Variants in PSD2 observed in about 807,000 individuals in gnomAD.
The protein encoded by PSD2 is PH and SEC7 domain-containing protein 2.
PSD2 carries 38 observed loss-of-function variants against 69.8 expected under a neutral mutation model. The ratio of observed to expected loss-of-function variants is 0.54; its 90% CI spans 0.42 to 0.71. The LOEUF is 0.71. Ranked by LOEUF, PSD2 falls within the 30% of genes least tolerant of loss-of-function variation. PSD2 has a pLI of 0.00. For synonymous variants in PSD2, 412 were observed against 423.0 expected (o/e 0.97, Z 0.32); for missense variants, 943 against 1,014.5 (o/e 0.93, Z 0.96).
At chr5:139,833,877 C>G in intron 8 of PSD2, 86 bp downstream of exon 8, 1 of 1,014,592 alleles carries the variant, frequency 9.9e-7, no homozygotes, top group Admixed American at 1.7e-5. Context: ...GAAATCCTGG[C>G]ATTCCAGGCC....
chr5:139,817,691 G>A, intron 5 of PSD2, 130 bp downstream of exon 5: 2 of 757,148 alleles, frequency 2.6e-6, no homozygotes, highest in Non-Finnish European at 4.4e-6. Flanking sequence ...AGGCTGTGGG[G>A]AAGGGGCCAC....
rs746161522 is a variant in PSD2 at position 139,842,452 on chromosome 5, A to C, written c.2294A>C (p.Asp765Ala). 1.7e-5 allele frequency: 28 copies of C among 1,613,972 alleles called. No homozygotes were observed. The highest frequency in any genetic ancestry group is 2.7e-5 in the African/African-American group (2 of 74,940). Residue 765 changes from aspartate to alanine, a missense_variant, in exon 15 of 15, where the codon GAT becomes GCT. By Grantham distance (126) the Asp-to-Ala change is moderately radical. Around this residue, in one of 3 missense-constraint regions of PSD2, gnomAD observed 165 missense variants for 168.8 expected, o/e 0.98. Coordinates refer to ENST00000274710, the MANE Select transcript of PSD2 (RefSeq NM_032289.4). ...GHVTGSKTTK[D>A]ATGPDT ...GTGACTGGCAGCAAAACCACAAAGG[A>C]TGCCACTGGGCCTGATACTTAGCTG...
At position 139,817,516 on chromosome 5, in the gene PSD2, T is replaced by G. The variant is rs763047342; in HGVS notation, c.1052T>G (p.Leu351Arg). 6.2e-7 allele frequency: 1 copy of G among 1,614,006 alleles called. No individual in the cohort carries two copies. The highest frequency in any genetic ancestry group is 8.5e-7 in the Non-Finnish European group (1 of 1,179,992). Residue 351 changes from leucine to arginine, a missense_variant, in exon 5 of 15, where the codon CTC (leucine) becomes CGC (arginine). Coordinates refer to ENST00000274710, the MANE Select transcript of PSD2 (RefSeq NM_032289.4). ...AGCAGGCTGGTGGCCGGGGAGTACC[T>G]CAGTTTCTTCGACTTCTCGGGCTTG... ...EFSRLVAGEY[L>R]SFFDFSGLTL...
chr5:139,763,967 C>T, the PSD2 span, among the ~76,000 whole-genome samples: 1 of 152,182 alleles, frequency 6.6e-6, no homozygotes, highest in Non-Finnish European at 1.5e-5. Flanking sequence ...TCACCAAGAT[C>T]CAATTGGGAA....
Position 139,805,008 on chromosome 5 carries a change from TGTGA to T in PSD2, c.-50-4379_-50-4376del, listed in dbSNP as rs890716087. Among the ~76,000 whole-genome samples, 35 of 151,350 alleles carry T rather than the reference TGTGA, an allele frequency of 2.3e-4. No homozygotes were observed. In the East Asian group the frequency reaches 2.7e-3, roughly 12 times the overall value. On this transcript the variant is annotated intron_variant, in intron 1 of 14. Transcript: ENST00000274710. ...GTGCATGTGTGTGTCTCTGTGTGTG[TGTGA>T]GTGTGTGCGTGTGTGTGTATTGTGC...
intron 7 of PSD2, among the ~76,000 whole-genome samples, chr5:139,833,260 A>T (rs1415179101): frequency 1.3e-5 from 2 of 151,906 alleles, no homozygotes; most frequent in African/African-American, 4.8e-5. Flanking sequence ...TGGCCTTTTC[A>T]CTTCCTTGCC....
At chr5:139,759,247 T>C in the PSD2 span, among the ~76,000 whole-genome samples, 1 of 152,152 alleles carries the variant, frequency 6.6e-6, no homozygotes, top group Admixed American at 6.5e-5. Flanking sequence ...AGATCCCAGC[T>C]GCCTCTGGAC....
At chr5:139,841,696 T>C (rs1760875536) in intron 14 of PSD2, among the ~76,000 whole-genome samples, 1 of 152,242 alleles carries the variant, frequency 6.6e-6, no homozygotes, top group African/African-American at 2.4e-5. Context: ...CTTTCGATAG[T>C]AGTAAGAGTG....
intron 7 of PSD2, 31 bp from the exon 8 acceptor site, chr5:139,833,671 A>G (rs1760646442): frequency 2.6e-6 from 4 of 1,547,468 alleles, no homozygotes; most frequent in Middle Eastern, 1.7e-4. Context: ...CTCCTTCCCT[A>G]CTCTTAGGCA....
intron 7 of PSD2, among the ~76,000 whole-genome samples, chr5:139,826,309 A>G (rs1196635020): frequency 6.6e-6 from 1 of 152,204 alleles, no homozygotes. Flanking sequence ...GTCAAGTCTG[A>G]TGTTAAAACA....
chr5:139,792,777 TCCTCCCTC>T (rs370414868), upstream of PSD2, among the ~76,000 whole-genome samples: 1 of 150,802 alleles, frequency 6.6e-6, no homozygotes, highest in African/African-American at 2.5e-5. Flanking sequence ...CTTCCTTCCT[TCCTCCCTC>T]CCTCCCTCTC....
intron 7 of PSD2, among the ~76,000 whole-genome samples, chr5:139,829,558 C>T (rs563786819): frequency 2.0e-5 from 3 of 152,152 alleles, no homozygotes; most frequent in Admixed American, 1.3e-4. Context: ...ATTTGTCTAC[C>T]GTAGATATTT....
chr5:139,827,513 T>C (rs1202610621), intron 7 of PSD2, among the ~76,000 whole-genome samples: 1 of 152,246 alleles, frequency 6.6e-6, no homozygotes, highest in Non-Finnish European at 1.5e-5. Flanking sequence ...AAGTGGTTAC[T>C]GATGGGGCCT....
intron 2 of PSD2, among the ~76,000 whole-genome samples, chr5:139,811,687 C>G (rs192384968): frequency 6.6e-6 from 1 of 152,184 alleles, no homozygotes; most frequent in African/African-American, 2.4e-5. Flanking sequence ...CTCCACCTCC[C>G]GGGTTCACGC....
chr5:139,836,354 G>C (rs1319690619), intron 9 of PSD2, among the ~76,000 whole-genome samples: 1 of 152,204 alleles, frequency 6.6e-6, no homozygotes, highest in Non-Finnish European at 1.5e-5. Flanking sequence ...ACCCCACAGG[G>C]AAGAGCTGGC....
chr5:139,767,220 C>T, the PSD2 span, among the ~76,000 whole-genome samples: 1 of 151,670 alleles, frequency 6.6e-6, no homozygotes, highest in Admixed American at 6.6e-5. Context: ...GTCTCGATCT[C>T]CTGACCTCGT....
chr5:139,837,531 A>C lies in PSD2; in HGVS notation c.1666-94A>C. 1 of 1,324,448 alleles carries C rather than the reference A, an allele frequency of 7.6e-7. No individual in the cohort carries two copies. Among genetic ancestry groups the C allele is most frequent in the Non-Finnish European group, 1.0e-6 (1 of 962,546 alleles). The allele number at this position is 1,324,448 out of a possible 1,614,324, so 82.0% of individuals were successfully genotyped here. A position where few individuals can be genotyped will look rare whatever the true frequency, so the allele number is the denominator to read the frequency against. On this transcript the variant is annotated intron_variant, in intron 11 of 14. Transcript: ENST00000274710. This position sits in a 1 kb window ranked among gnomAD's most constrained non-coding sequence, Gnocchi z 5.0. ...GTGAGGCAGCAGGAACAGAAAATTAAGGGAGCCGTAGGGTTAGACAGAGAG... is the reference window on the plus strand; with the variant it reads ...GTGAGGCAGCAGGAACAGAAAATTACGGGAGCCGTAGGGTTAGACAGAGAG...
chr5:139,785,964 C>T, the PSD2 span, among the ~76,000 whole-genome samples: 3 of 152,138 alleles, frequency 2.0e-5, no homozygotes, highest in Non-Finnish European at 4.4e-5. Flanking sequence ...TGGCATACAC[C>T]CGCGGTCCCA....
At position 139,813,500 on chromosome 5, in the gene PSD2, C is replaced by A. The variant is rs754312285; in HGVS notation, c.563C>A (p.Ala188Asp). 5 of 1,612,844 alleles carry A rather than the reference C, an allele frequency of 3.1e-6. No homozygotes were observed. The highest frequency in any genetic ancestry group is 4.2e-6 in the Non-Finnish European group (5 of 1,179,100). Residue 188 changes from alanine to aspartate, a missense_variant, in exon 3 of 15, where the codon GCC becomes GAC. This residue lies in a region of PSD2 where 466 missense variants were observed against 445.0 expected (regional missense o/e 1.05). Transcript: ENST00000274710. ...APLTPLIQQR[A>D]RDSPEPGAGL... The stretch of plus-strand genomic sequence containing the variant: ...CTCACACCCCTCATCCAGCAGCGGG[C>A]CCGTGACAGCCCTGAGCCAGGGGCT...
Sources: gnomAD v4.1 joint callset for allele counts (sites outside exome capture counted in the v4.1 genomes callset) on GRCh38, gnomAD v4.1.1 for gene constraint, gnomAD v4.1.1 regional missense constraint, Gnocchi (gnomAD v3.1) non-coding constraint, MANE v1.5 for transcripts, NCBI Gene and HGNC (gene_info 2026-07-23, HGNC 2026-07-21) for gene names.